Variants in UBASH3A observed in about 807,000 individuals in gnomAD.
UBASH3A encodes ubiquitin-associated and SH3 domain-containing protein A.
In UBASH3A, 63 loss-of-function variants were observed where a neutral mutation model predicts 73.5. The ratio of observed to expected loss-of-function variants is 0.86; its 90% CI spans 0.70 to 1.06. UBASH3A has a LOEUF of 1.06. Ranked by LOEUF, UBASH3A falls within the 50% of genes least tolerant of loss-of-function variation. The probability of loss-of-function intolerance (pLI) is 0.00; values close to 1 mark genes in which losing one functional copy is unlikely to be tolerated. For synonymous variants in UBASH3A, 363 were observed against 351.1 expected, an observed-to-expected ratio of 1.03 and a Z score of -0.38; for missense variants, 860 against 859.0, an observed-to-expected ratio of 1.00 and a Z score of -0.02.
At chr21:42,424,411 C>T (rs898101494) in intron 7 of UBASH3A, among the ~76,000 whole-genome samples, 4 of 152,200 alleles carry the variant, frequency 2.6e-5, no homozygotes, top group South Asian at 2.1e-4. Flanking sequence ...ACTTATCTAC[C>T]GCAAAATCAC....
At chr21:42,425,437 C>G (rs2053417852) in intron 7 of UBASH3A, among the ~76,000 whole-genome samples, 1 of 152,218 alleles carries the variant, frequency 6.6e-6, no homozygotes, top group African/African-American at 2.4e-5. Flanking sequence ...AAGGGGAAAC[C>G]AACCAATATT....
chr21:42,409,678 G>A, intron 3 of UBASH3A, 70 bp downstream of exon 3: 40 of 1,416,896 alleles, frequency 2.8e-5, no homozygotes, highest in Non-Finnish European at 3.9e-5. Flanking sequence ...ACTAGGCCAT[G>A]ATGGGACAAA....
chr21:42,419,822 C>G (rs183686194), intron 7 of UBASH3A, among the ~76,000 whole-genome samples: 2 of 152,178 alleles, frequency 1.3e-5, no homozygotes, highest in Admixed American at 1.3e-4. Flanking sequence ...CAACATTCAA[C>G]GAATTACATG....
At chr21:42,423,445 T>C (rs2053377901) in intron 7 of UBASH3A, among the ~76,000 whole-genome samples, 1 of 152,166 alleles carries the variant, frequency 6.6e-6, no homozygotes, top group Non-Finnish European at 1.5e-5. Flanking sequence ...CAAGCTCAGT[T>C]CACCACCTGA....
rs370725082 is a variant in UBASH3A, at chr21:42,436,697, G to A, written c.1394-791G>A. 1.5e-3 allele frequency among the ~76,000 whole-genome samples: 223 copies of A among 152,262 alleles called. 14 individuals are homozygous for A. The South Asian group carries it at 0.044, about 30-fold the overall frequency. On this transcript the variant is annotated intron_variant, in intron 10 of 14. Coordinates refer to ENST00000319294, the MANE Select transcript of UBASH3A (RefSeq NM_018961.4). Reference sequence around the variant, plus strand: ...CCAGAAGAGCCTCCACTGAAACCTCGCTCATCAGCTTTCAGGCTGTGCAAT... The same window carrying A: ...CCAGAAGAGCCTCCACTGAAACCTCACTCATCAGCTTTCAGGCTGTGCAAT...
chr21:42,427,462 G>A (rs1236600806), intron 8 of UBASH3A, among the ~76,000 whole-genome samples: 3 of 152,194 alleles, frequency 2.0e-5, no homozygotes. Flanking sequence ...CTCTGTCCTT[G>A]TTCTTCCCAA....
intron 13 of UBASH3A, 47 bp from the exon 14 acceptor site, chr21:42,444,487 T>A: frequency 1.4e-6 from 2 of 1,429,906 alleles, no homozygotes; most frequent in African/African-American, 2.8e-5. Context: ...TAATAAAAGG[T>A]GCTCTCTGGG....
chr21:42,416,768 C>G lies in UBASH3A; in HGVS notation c.837+157C>G, dbSNP rs113960756. Among the ~76,000 whole-genome samples, 24 of 152,250 alleles carry G rather than the reference C, an allele frequency of 1.6e-4. 1 individual carries two copies. The highest frequency in any genetic ancestry group is 5.8e-4 in the African/African-American group (24 of 41,536). ...CTAACATGGTGAAACCTCGTCTCTA[C>G]TAAAAATACAAAAAATTAGCCAGGC... On this transcript the variant is annotated intron_variant, in intron 6 of 14. Coordinates refer to ENST00000319294, the MANE Select transcript of UBASH3A (RefSeq NM_018961.4).
At chr21:42,416,065 T>C (rs969332808) in intron 5 of UBASH3A, among the ~76,000 whole-genome samples, 8 of 152,174 alleles carry the variant, frequency 5.3e-5, no homozygotes, top group African/African-American at 1.7e-4. Flanking sequence ...AGTTTTCTTC[T>C]TGAAACTCTA....
intron 7 of UBASH3A, among the ~76,000 whole-genome samples, chr21:42,425,993 G>C (rs1247986777): frequency 6.6e-6 from 1 of 152,166 alleles, no homozygotes; most frequent in South Asian, 2.1e-4. Flanking sequence ...GTGACCGAGA[G>C]AGAAAGAGAG....
At chr21:42,409,713 C>A in intron 3 of UBASH3A, 105 bp downstream of exon 3, 1 of 1,037,712 alleles carries the variant, frequency 9.6e-7, no homozygotes, top group Non-Finnish European at 1.4e-6. Flanking sequence ...ATGGGATAGT[C>A]CAGAACTGCA....
chr21:42,404,562 G>A (rs1450812226), intron 1 of UBASH3A, among the ~76,000 whole-genome samples: 2 of 152,144 alleles, frequency 1.3e-5, no homozygotes. Context: ...GCCCCATTTT[G>A]GGGGTTTGGA....
intron 7 of UBASH3A, among the ~76,000 whole-genome samples, chr21:42,423,231 G>A (rs568675123): frequency 3.3e-5 from 5 of 152,286 alleles, no homozygotes; most frequent in African/African-American, 9.6e-5. Context: ...TCCCAGATGC[G>A]TGCAGACCAG....
chr21:42,431,260 C>G (rs1475231241), intron 8 of UBASH3A, among the ~76,000 whole-genome samples: 1 of 152,248 alleles, frequency 6.6e-6, no homozygotes, highest in Non-Finnish European at 1.5e-5. Flanking sequence ...CCATCCCACA[C>G]AGTGGAGGCC....
Position 42,413,573 on chromosome 21 carries a change from G to A in UBASH3A, c.667+50G>A, listed in dbSNP as rs368573985. 1.4e-5 allele frequency: 19 copies of A among 1,345,608 alleles called. 1 individual carries two copies. The highest frequency in any genetic ancestry group is 6.9e-5 in the East Asian group (3 of 43,582). 83.4% of individuals were successfully genotyped at this position (1,345,608 alleles called of 1,614,324 possible). A position where few individuals can be genotyped will look rare whatever the true frequency, so the allele number is the denominator to read the frequency against. ...CCAGCTTTGGTCTTCTCTTTAGGCGGGAATAGCCTTGTTCTCATTATGTGG... is the reference window on the plus strand; with the variant it reads ...CCAGCTTTGGTCTTCTCTTTAGGCGAGAATAGCCTTGTTCTCATTATGTGG... On this transcript the variant is annotated intron_variant, in intron 5 of 14. Coordinates refer to ENST00000319294, the MANE Select transcript of UBASH3A (RefSeq NM_018961.4). This position sits in a 1 kb window ranked among gnomAD's most constrained non-coding sequence, Gnocchi z 4.5.
chr21:42,410,442 G>C (rs1231368384), intron 3 of UBASH3A: 1 of 500,348 alleles, frequency 2.0e-6, no homozygotes, highest in Non-Finnish European at 3.5e-6. Flanking sequence ...CTCGGTGCTG[G>C]ATGGAAAGGA....
chr21:42,437,371 G>C lies in UBASH3A; in HGVS notation c.1394-117G>C, dbSNP rs967615741. The C allele has an allele frequency of 4.9e-6, 4 of 812,830 alleles. No individual in the cohort carries two copies. In the African/African-American group the frequency reaches 5.1e-5, roughly 10 times the overall value. The allele number at this position is 812,830 out of a possible 1,614,324, so 50.4% of individuals were successfully genotyped here. ...GCTGTGCAGGGTGTGTCACACCAGG[G>C]GGTGGAAACCCGGGGCCCTTTGAGG... is the stretch of plus-strand genomic sequence containing the variant. On this transcript the variant is annotated intron_variant, in intron 10 of 14. Coordinates refer to ENST00000319294, the MANE Select transcript of UBASH3A (RefSeq NM_018961.4).
intron 11 of UBASH3A, among the ~76,000 whole-genome samples, chr21:42,441,448 G>T (rs560043765): frequency 1.4e-5 from 2 of 144,276 alleles, no homozygotes; most frequent in Admixed American, 1.4e-4. Flanking sequence ...TGGGGGCCCA[G>T]TTGATGGGGG....
intron 1 of UBASH3A, 129 bp from the exon 2 acceptor site, chr21:42,406,179 A>T (rs145067436): frequency 1.3e-6 from 1 of 778,112 alleles, no homozygotes; most frequent in Non-Finnish European, 2.3e-6. Flanking sequence ...TCCAGCTGGA[A>T]GTTCAGCATC....
Sources: gnomAD v4.1 joint callset for allele counts (sites outside exome capture counted in the v4.1 genomes callset) on GRCh38, gnomAD v4.1.1 for gene constraint, Gnocchi (gnomAD v3.1) non-coding constraint, MANE v1.5 for transcripts, NCBI Gene and HGNC (gene_info 2026-07-23, HGNC 2026-07-21) for gene names.